Variants in PIWIL3 observed in about 807,000 individuals in gnomAD.
The protein encoded by PIWIL3 is piwi-like protein 3.
In PIWIL3, 101 loss-of-function variants were observed where a neutral mutation model predicts 109.7. The observed-to-expected ratio is 0.92, with a 90% confidence interval of 0.78 to 1.09. The LOEUF is 1.09. Among genes scored for constraint, PIWIL3 ranks in the 50% least tolerant of loss-of-function variants. PIWIL3 has a pLI of 0.00. For synonymous variants in PIWIL3, 373 were observed against 376.4 expected, an observed-to-expected ratio of 0.99 and a Z score of 0.10; for missense variants, 1,031 against 1,072.6, an observed-to-expected ratio of 0.96 and a Z score of 0.54.
rs560002973 is a variant in PIWIL3 at position 24,749,618 on chromosome 22, T to G, written c.1216+75A>C. The G allele has an allele frequency of 9.3e-6, 15 of 1,611,902 alleles. No individual in the cohort carries two copies. The African/African-American group carries it at 1.7e-4, about 19-fold the overall frequency. ...GGAACCTACTACCAAGGAGACACCCTTCGAATTCCCTGAAAAGCCTGCGTT... is the reference window on the plus strand; with the variant it reads ...GGAACCTACTACCAAGGAGACACCCGTCGAATTCCCTGAAAAGCCTGCGTT... On this transcript the variant is annotated intron_variant, in intron 10 of 20. Coordinates refer to ENST00000616349, the MANE Select transcript of PIWIL3 (RefSeq NM_001255975.1).
At chr22:24,729,383 C>T (rs1923199372) in intron 14 of PIWIL3, among the ~76,000 whole-genome samples, 1 of 152,098 alleles carries the variant, frequency 6.6e-6, no homozygotes, top group African/African-American at 2.4e-5. Context: ...AGACAGCTTC[C>T]TCATGATGTA....
At position 24,762,383 on chromosome 22, in the gene PIWIL3, C is replaced by T. The variant is rs371385258; in HGVS notation, c.102+15G>A. On this transcript the variant is annotated intron_variant, in intron 2 of 20. Coordinates refer to ENST00000616349, the MANE Select transcript of PIWIL3 (RefSeq NM_001255975.1). ...CATATCTCTTGCAGAAAGGAAACAACGTTACAGGGCTCACTGTAGCTGATC... is the reference window on the plus strand; with the variant it reads ...CATATCTCTTGCAGAAAGGAAACAATGTTACAGGGCTCACTGTAGCTGATC... 4.2e-5 allele frequency: 68 copies of T among 1,605,088 alleles called. No homozygotes were observed. Among genetic ancestry groups the T allele is most frequent in the Non-Finnish European group, 5.1e-5 (60 of 1,177,046 alleles).
intron 2 of PIWIL3, 30 bp downstream of exon 2, chr22:24,762,368 G>A (rs1338760176): frequency 6.3e-7 from 1 of 1,598,462 alleles, no homozygotes; most frequent in African/African-American, 1.3e-5. Flanking sequence ...CATATCTCTT[G>A]CAGAAAGGAA....
chr22:24,749,812 T>A lies in PIWIL3; in HGVS notation c.1097A>T (p.Lys366Ile). Residue 366 changes from lysine (K) to isoleucine (I), a missense_variant, in exon 10 of 21, where the codon AAA becomes ATA. By Grantham distance (102) the Lys-to-Ile change is moderately radical. Transcript: ENST00000616349. ...CTGTTTCTTCACTGTGACAATTTCT[T>A]TATGTTGCTGCTCAACAAACAAGAG... ...TYIDYYRQQH[K>I]EIVTVKKQPL... 6.2e-7 allele frequency: 1 copy of A among 1,612,660 alleles called. No individual in the cohort carries two copies. The highest frequency in any genetic ancestry group is 8.5e-7 in the Non-Finnish European group (1 of 1,179,224).
Position 24,719,406 on chromosome 22 carries a change from T to C in PIWIL3, c.*66A>G. On this transcript the variant is annotated 3_prime_UTR_variant, in exon 21 of 21. Transcript: ENST00000616349. ...ACCTAGGAAAATATTTCAGACATCC[T>C]GCTTCAAAAGGAAGACAGGCTTACA... The C allele has an allele frequency of 8.0e-7, 1 of 1,246,286 alleles. No homozygotes were observed. Among genetic ancestry groups the C allele is most frequent in the Non-Finnish European group, 1.1e-6 (1 of 895,298 alleles). 77.2% of individuals were successfully genotyped at this position (1,246,286 alleles called of 1,614,324 possible).
intron 14 of PIWIL3, among the ~76,000 whole-genome samples, chr22:24,729,984 T>A (rs904955140): frequency 1.3e-5 from 2 of 152,026 alleles, no homozygotes. Context: ...AGTATTAAAT[T>A]TTGATATTTT....
Position 24,749,734 on chromosome 22 carries a change from C to T in PIWIL3, c.1175G>A (p.Arg392His), listed in dbSNP as rs199727540. 389 of 1,613,964 alleles carry T rather than the reference C, an allele frequency of 2.4e-4. 3 individuals are homozygous for T. In the South Asian group the frequency reaches 3.7e-3, roughly 15 times the overall value. ...CTGAGGAATCAGCAGGATAGGTTCA[C>T]GTTGTGTACCCGTTAGGCCCTTTTT... ...RWKKGLTGTQ[R>H]EPILLIPQLC... The change falls in exon 10 of 21, where the codon CGT becomes CAT. Residue 392 changes from arginine (R) to histidine (H), a missense_variant. Physicochemically the swap from Arg to His is conservative, Grantham distance 29. Coordinates refer to ENST00000616349, the MANE Select transcript of PIWIL3 (RefSeq NM_001255975.1).
chr22:24,744,204 AAAAC>A, intron 12 of PIWIL3, among the ~76,000 whole-genome samples: 1 of 149,322 alleles, frequency 6.7e-6, no homozygotes, highest in South Asian at 2.1e-4. Context: ...AAAAAAAAAA[AAAAC>A]AATGATCTGC....
intron 19 of PIWIL3, among the ~76,000 whole-genome samples, chr22:24,721,459 A>C (rs1226306035): frequency 6.6e-6 from 1 of 152,080 alleles, no homozygotes; most frequent in African/African-American, 2.4e-5. Context: ...CCACCCCACC[A>C]CACCCCCATC....
At chr22:24,757,817 G>T (rs79223236) in intron 4 of PIWIL3, 91 bp downstream of exon 4, 1 of 1,418,836 alleles carries the variant, frequency 7.0e-7, no homozygotes, top group South Asian at 1.4e-5. Flanking sequence ...CAGCCTGGGC[G>T]ACAGAGCAGG....
At chr22:24,741,122 C>T (rs921539687) in intron 12 of PIWIL3, among the ~76,000 whole-genome samples, 4 of 152,260 alleles carry the variant, frequency 2.6e-5, no homozygotes, top group East Asian at 1.9e-4. Flanking sequence ...AGTCAATAAA[C>T]GTGCTACACC....
Position 24,732,883 on chromosome 22 carries a change from A to T in PIWIL3, c.1707+1201T>A, listed in dbSNP as rs75024551. On this transcript the variant is annotated intron_variant, in intron 14 of 20. Transcript: ENST00000616349. ...CCAAATGAGCAAAGAGATTCCTGTT[A>T]TGAGAATAAGCTGGAATTCAAACAG... 9.5e-3 allele frequency among the ~76,000 whole-genome samples: 1,444 copies of T among 152,302 alleles called. 12 individuals carry two copies. The highest frequency in any genetic ancestry group is 0.017 in the Non-Finnish European group (1,142 of 68,020).
chr22:24,772,602 T>G (rs1215870641), intron 1 of PIWIL3, among the ~76,000 whole-genome samples: 4 of 152,268 alleles, frequency 2.6e-5, no homozygotes, highest in African/African-American at 9.6e-5. Context: ...ACTACCACAG[T>G]GGAGAAGAGC....
intron 13 of PIWIL3, among the ~76,000 whole-genome samples, chr22:24,734,519 CT>C (rs1351829699): frequency 6.6e-6 from 1 of 152,192 alleles, no homozygotes; most frequent in African/African-American, 2.4e-5. Context: ...ACTCTGGAAA[CT>C]TCCCAGGGAA....
At chr22:24,748,267 C>T (rs947226159) in intron 12 of PIWIL3, among the ~76,000 whole-genome samples, 1 of 151,854 alleles carries the variant, frequency 6.6e-6, no homozygotes, top group Non-Finnish European at 1.5e-5. Flanking sequence ...AGGATGGTTA[C>T]AGAGTCTGGG....
intron 6 of PIWIL3, 100 bp from the exon 7 acceptor site, chr22:24,754,964 T>G (rs1924936800): frequency 3.3e-6 from 3 of 909,616 alleles, no homozygotes; most frequent in Non-Finnish European, 5.3e-6. Context: ...TGACTGTTTA[T>G]ATTATCAATG....
chr22:24,727,990 T>C lies in PIWIL3; in HGVS notation c.1969A>G (p.Ile657Val), dbSNP rs140696137. ...FHDIVNRQKS[I>V]AGFVASTNAE... ...TTGGTACTTGCAACAAATCCTGCTA[T>C]TGATTTCTGTCGATTTACGATATCG... The change falls in exon 16 of 21, where the codon ATA becomes GTA. Residue 657 changes from isoleucine (I) to valine (V), a missense_variant. By Grantham distance (29) the Ile-to-Val change is conservative. Coordinates refer to ENST00000616349, the MANE Select transcript of PIWIL3 (RefSeq NM_001255975.1). 2.3e-4 allele frequency: 370 copies of C among 1,613,816 alleles called. No homozygotes were observed. The highest frequency in any genetic ancestry group is 2.9e-4 in the Non-Finnish European group (347 of 1,179,984).
chr22:24,733,932 C>A, intron 14 of PIWIL3, 152 bp downstream of exon 14: 1 of 703,080 alleles, frequency 1.4e-6, no homozygotes, highest in African/African-American at 1.8e-5. Flanking sequence ...AATAGCTAAA[C>A]CATGAAAGTT....
chr22:24,754,194 C>T lies in PIWIL3; in HGVS notation c.797G>A (p.Gly266Asp), dbSNP rs1449501549. The T allele has an allele frequency of 1.2e-6, 2 of 1,613,772 alleles. No homozygotes were observed. The highest frequency in any genetic ancestry group is 2.7e-5 in the African/African-American group (2 of 74,910). ...GTATTGAAGAACAGAAGTAACATAA[C>T]CAAGCCAGATTTCCAAACTGGTACT... is the stretch of plus-strand genomic sequence containing the variant. ...RHGTSLEIWLGYVTSVLQYEN... is the reference protein window; with the variant it reads ...RHGTSLEIWLDYVTSVLQYEN... The change falls in exon 8 of 21, where the codon GGT becomes GAT. Residue 266 changes from glycine to aspartate, a missense_variant. By Grantham distance (94) the Gly-to-Asp change is moderately conservative. Coordinates refer to ENST00000616349, the MANE Select transcript of PIWIL3 (RefSeq NM_001255975.1).
Sources: allele counts gnomAD v4.1 joint callset (sites outside exome capture counted in the v4.1 genomes callset), GRCh38; gene constraint gnomAD v4.1.1; transcripts MANE v1.5; gene names NCBI Gene and HGNC (gene_info 2026-07-23, HGNC 2026-07-21).